Variants in DLGAP2 observed in about 807,000 individuals in gnomAD.
DLGAP2 encodes DLG associated protein 2, also known as disks large-associated protein 2.
DLGAP2 carries 26 observed loss-of-function variants against 100.3 expected under a neutral mutation model. The observed-to-expected ratio is 0.26, with a 90% CI of 0.19 to 0.36. The LOEUF is 0.36. DLGAP2 is among the 10% of genes least tolerant of loss of function. The probability of loss-of-function intolerance (pLI) is 1.00; values close to 1 mark genes in which losing one functional copy is unlikely to be tolerated. For missense variants in DLGAP2, 1,858 were observed against 1,453.2 expected (o/e 1.28, Z -4.53); for synonymous variants, 886 against 630.1 (o/e 1.41, Z -6.08).
At chr8:1,135,144 T>A (rs1025884120) in intron 2 of DLGAP2, among the ~76,000 whole-genome samples, 19 of 152,228 alleles carry the variant, frequency 1.2e-4, no homozygotes, top group South Asian at 8.3e-4. Flanking sequence ...GACAGTTTTT[T>A]TGCTGCTATT....
chr8:1,426,032 C>T (rs529157594), intron 3 of DLGAP2, among the ~76,000 whole-genome samples: 64 of 152,300 alleles, frequency 4.2e-4, no homozygotes, highest in African/African-American at 1.3e-3. Context: ...GGGTCCTCAG[C>T]ATGAGAATGA....
chr8:831,457 C>T (rs570477550), intron 1 of DLGAP2, among the ~76,000 whole-genome samples: 1 of 152,136 alleles, frequency 6.6e-6, no homozygotes, highest in South Asian at 2.1e-4. Context: ...TGAGTGAGAA[C>T]ATGTGGTGTT....
chr8:1,438,461 G>C (rs1043365091), intron 3 of DLGAP2, among the ~76,000 whole-genome samples: 1 of 151,920 alleles, frequency 6.6e-6, no homozygotes. Context: ...ACAGTAACAA[G>C]GCCCAAAGAG....
intron 2 of DLGAP2, among the ~76,000 whole-genome samples, chr8:1,001,536 A>G (rs2129018166): frequency 6.6e-6 from 1 of 152,346 alleles, no homozygotes; most frequent in Admixed American, 6.5e-5. Context: ...AATATTGAGG[A>G]AGGTGTCATG....
intron 2 of DLGAP2, among the ~76,000 whole-genome samples, chr8:1,138,475 C>G (rs1269868900): frequency 6.6e-6 from 1 of 152,242 alleles, no homozygotes; most frequent in African/African-American, 2.4e-5. Flanking sequence ...GGCCATCGGC[C>G]CTCAGGTCCA....
chr8:1,254,218 G>A (rs114629228), intron 2 of DLGAP2, among the ~76,000 whole-genome samples: 1 of 152,304 alleles, frequency 6.6e-6, no homozygotes, highest in African/African-American at 2.4e-5. Flanking sequence ...GCCTCCCACA[G>A]GCACCATGGT....
At chr8:1,457,211 T>G (rs960462296) in intron 3 of DLGAP2, among the ~76,000 whole-genome samples, 1 of 152,236 alleles carries the variant, frequency 6.6e-6, no homozygotes, top group Non-Finnish European at 1.5e-5. Flanking sequence ...TTATTTGTTT[T>G]GCTTATCTAC....
At chr8:1,600,823 T>C (rs977609757) in intron 6 of DLGAP2, among the ~76,000 whole-genome samples, 2 of 152,220 alleles carry the variant, frequency 1.3e-5, no homozygotes, top group Non-Finnish European at 2.9e-5. Context: ...TAGAACATAC[T>C]CCTTTAGCTT....
At chr8:1,632,774 G>T in intron 7 of DLGAP2, 53 bp from the exon 8 acceptor site, 1 of 1,529,214 alleles carries the variant, frequency 6.5e-7, no homozygotes, top group Non-Finnish European at 8.8e-7. Flanking sequence ...TTTCTGTAAC[G>T]TGATGGTGAC....
Position 1,591,888 on chromosome 8 carries a change from G to A in DLGAP2, c.1442+25994G>A, listed in dbSNP as rs116808402. On this transcript the variant is annotated intron_variant, in intron 6 of 14. Coordinates refer to ENST00000637795, the MANE Select transcript of DLGAP2 (RefSeq NM_001346810.2). ...TCTGACATGAACTACAAACTCCCAC[G>A]GACTCCCAGGGAGGTTCCTCCCACC... is the stretch of plus-strand genomic sequence containing the variant. Among the ~76,000 whole-genome samples, 875 of 152,284 alleles carry A rather than the reference G, an allele frequency of 5.7e-3. 12 individuals carry two copies. The highest frequency in any genetic ancestry group is 0.019 in the African/African-American group (781 of 41,552).
intron 2 of DLGAP2, among the ~76,000 whole-genome samples, chr8:928,033 G>T (rs1027002456): frequency 3.3e-5 from 5 of 152,138 alleles, no homozygotes; most frequent in African/African-American, 1.2e-4. Flanking sequence ...ATGGGGTCCC[G>T]GGAGAACGGG....
chr8:1,071,328 C>T (rs1250922340), intron 2 of DLGAP2, among the ~76,000 whole-genome samples: 1 of 152,230 alleles, frequency 6.6e-6, no homozygotes, highest in African/African-American at 2.4e-5. Flanking sequence ...ATAACCACTT[C>T]GGCCGCCTCC....
At position 1,335,889 on chromosome 8, in the gene DLGAP2, G is replaced by C. The variant is rs186843801; in HGVS notation, c.106+77006G>C. ...AAGTGTGGCAGAGCCGGGGCTGCGCGTGGTGACGCGGGAGGCATCAGGACC... is the reference window on the plus strand; with the variant it reads ...AAGTGTGGCAGAGCCGGGGCTGCGCCTGGTGACGCGGGAGGCATCAGGACC... On this transcript the variant is annotated intron_variant, in intron 3 of 14. Coordinates refer to ENST00000637795, the MANE Select transcript of DLGAP2 (RefSeq NM_001346810.2). Among the ~76,000 whole-genome samples the C allele has an allele frequency of 2.0e-3, 309 of 151,744 alleles. 1 individual carries two copies. Among genetic ancestry groups the C allele is most frequent in the African/African-American group, 7.0e-3 (286 of 41,080 alleles).
At chr8:1,460,536 A>G (rs895905347) in intron 3 of DLGAP2, among the ~76,000 whole-genome samples, 1 of 152,192 alleles carries the variant, frequency 6.6e-6, no homozygotes, top group African/African-American at 2.4e-5. Context: ...GCCACAGTGG[A>G]TCACAGCAGA....
intron 8 of DLGAP2, among the ~76,000 whole-genome samples, chr8:1,655,732 C>G (rs1446293239): frequency 2.6e-5 from 4 of 152,238 alleles, no homozygotes; most frequent in African/African-American, 9.6e-5. Flanking sequence ...GGTCCAAAAT[C>G]TCCTCCACGA....
At chr8:1,376,503 G>A (rs1802391400) in intron 3 of DLGAP2, among the ~76,000 whole-genome samples, 1 of 152,258 alleles carries the variant, frequency 6.6e-6, no homozygotes, top group Admixed American at 6.5e-5. Context: ...CGACGGAGCT[G>A]GAGGCCGTGC....
intron 2 of DLGAP2, among the ~76,000 whole-genome samples, chr8:1,053,366 G>C (rs1210713423): frequency 3.9e-5 from 6 of 152,130 alleles, no homozygotes; most frequent in Admixed American, 6.6e-5. Flanking sequence ...TACACAGGCA[G>C]TACAAGTGAT....
intron 2 of DLGAP2, among the ~76,000 whole-genome samples, chr8:990,318 G>C (rs11985476): frequency 0.021 from 2,870 of 139,972 alleles, 121 homozygotes; most frequent in African/African-American, 0.077. Context: ...CAGACCCCCT[G>C]CACCCCCATA....
chr8:967,897 T>C (rs1354976152), intron 2 of DLGAP2, among the ~76,000 whole-genome samples: 2 of 116,616 alleles, frequency 1.7e-5, no homozygotes, highest in African/African-American at 6.8e-5. Flanking sequence ...TCCCTAGAAC[T>C]GAAAGTATAA....
Sources: gnomAD v4.1 joint callset for allele counts (sites outside exome capture counted in the v4.1 genomes callset) on GRCh38, gnomAD v4.1.1 for gene constraint, MANE v1.5 for transcripts, NCBI Gene and HGNC (gene_info 2026-07-23, HGNC 2026-07-21) for gene names.